Variants in GALNT13 observed in about 807,000 individuals in gnomAD.
GALNT13 encodes the protein polypeptide N-acetylgalactosaminyltransferase 13, also known as UDP-GalNAc:polypeptide N-acetylgalactosaminyltransferase 13.
GALNT13 carries 28 observed loss-of-function variants against 64.2 expected under a neutral mutation model. The observed-to-expected ratio is 0.44, with a 90% CI of 0.32 to 0.60. The LOEUF (loss-of-function observed/expected upper bound fraction) is 0.60, where lower values mean the gene tolerates loss of function less well. Among genes scored for constraint, GALNT13 ranks in the 20% least tolerant of loss-of-function variants. The pLI, the probability that GALNT13 is intolerant of heterozygous loss-of-function variation, is 0.05. For missense variants in GALNT13, 577 were observed against 669.8 expected (o/e 0.86, Z 1.53); for synonymous variants, 214 against 224.6 (o/e 0.95, Z 0.42).
the GALNT13 span, among the ~76,000 whole-genome samples, chr2:153,384,102 G>C: frequency 6.6e-6 from 1 of 152,104 alleles, no homozygotes; most frequent in Non-Finnish European, 1.5e-5. Flanking sequence ...ATTTTTGTGA[G>C]AAGGGAAAAG....
chr2:153,739,621 ATTTATTATTTTAT>A, the GALNT13 span, among the ~76,000 whole-genome samples: 1 of 85,776 alleles, frequency 1.2e-5, no homozygotes, highest in Non-Finnish European at 3.0e-5. Context: ...ATGAGATTTT[ATTTATTATTTTAT>A]TTTATTTTAT....
At chr2:154,218,446 ATGT>A (rs1365284252) in intron 4 of GALNT13, among the ~76,000 whole-genome samples, 2 of 152,030 alleles carry the variant, frequency 1.3e-5, no homozygotes, top group Non-Finnish European at 1.5e-5. Context: ...CCTCCTCCAG[ATGT>A]TGTACTATTC....
chr2:153,068,603 T>C, the GALNT13 span, among the ~76,000 whole-genome samples: 4 of 152,182 alleles, frequency 2.6e-5, no homozygotes, highest in African/African-American at 9.7e-5. Context: ...GCATTTGGTG[T>C]GGTTATACAT....
chr2:154,361,654 TAGTG>T (rs1697075604), intron 9 of GALNT13, among the ~76,000 whole-genome samples: 1 of 152,124 alleles, frequency 6.6e-6, no homozygotes, highest in Non-Finnish European at 1.5e-5. Context: ...TTCTGTCACA[TAGTG>T]AGTACTTAAC....
the GALNT13 span, among the ~76,000 whole-genome samples, chr2:153,455,832 T>C: frequency 2.6e-5 from 4 of 152,012 alleles, no homozygotes; most frequent in Admixed American, 6.6e-5. Context: ...TCTTGCCTAG[T>C]GTCCAAAAAT....
chr2:153,727,156 GCTGTA>G, the GALNT13 span, among the ~76,000 whole-genome samples: 1 of 151,960 alleles, frequency 6.6e-6, no homozygotes, highest in African/African-American at 2.4e-5. Flanking sequence ...TTTTTGGAAA[GCTGTA>G]GTTAAAAATA....
At chr2:154,134,347 T>C (rs993348825) in intron 3 of GALNT13, among the ~76,000 whole-genome samples, 1 of 152,100 alleles carries the variant, frequency 6.6e-6, no homozygotes, top group African/African-American at 2.4e-5. Context: ...TGATCAGAGG[T>C]TGAAGGAACT....
the GALNT13 span, among the ~76,000 whole-genome samples, chr2:153,129,004 G>A: frequency 6.6e-6 from 1 of 152,092 alleles, no homozygotes; most frequent in Non-Finnish European, 1.5e-5. Context: ...GATTTGGGTT[G>A]GAACAGAGCC....
the GALNT13 span, among the ~76,000 whole-genome samples, chr2:153,286,395 C>A: frequency 6.6e-6 from 1 of 152,118 alleles, no homozygotes; most frequent in East Asian, 1.9e-4. Context: ...CATGTTCACA[C>A]AGCTATTAAT....
At chr2:154,325,783 T>G (rs928953122) in intron 9 of GALNT13, among the ~76,000 whole-genome samples, 29 of 152,210 alleles carry the variant, frequency 1.9e-4, no homozygotes, top group African/African-American at 6.7e-4. Context: ...TAATCAAGCA[T>G]GTATTTCATT....
At chr2:153,639,059 GT>G in the GALNT13 span, among the ~76,000 whole-genome samples, 2 of 141,512 alleles carry the variant, frequency 1.4e-5, no homozygotes, top group East Asian at 3.9e-4. Context: ...GTTTTGTTTT[GT>G]TTTGTTTTGT....
the GALNT13 span, among the ~76,000 whole-genome samples, chr2:153,297,301 A>C: frequency 1.3e-5 from 2 of 152,224 alleles, no homozygotes; most frequent in African/African-American, 4.8e-5. Context: ...ACAGAATAAC[A>C]AACCTTTAAA....
intron 4 of GALNT13, among the ~76,000 whole-genome samples, chr2:154,211,203 C>T (rs1389575854): frequency 6.6e-6 from 1 of 152,064 alleles, no homozygotes; most frequent in Non-Finnish European, 1.5e-5. Context: ...TAGCCTATTA[C>T]ACATCTAGGC....
At chr2:154,196,409 TGTAA>T (rs898196594) in intron 4 of GALNT13, among the ~76,000 whole-genome samples, 38 of 152,212 alleles carry the variant, frequency 2.5e-4, no homozygotes, top group African/African-American at 8.7e-4. Flanking sequence ...ATGCTTGAAT[TGTAA>T]GTGTTCATAG....
chr2:153,650,142 G>C, the GALNT13 span, among the ~76,000 whole-genome samples: 2 of 152,134 alleles, frequency 1.3e-5, no homozygotes, highest in African/African-American at 4.8e-5. Flanking sequence ...ATGAATCTGG[G>C]TGCTTCTGTA....
the GALNT13 span, among the ~76,000 whole-genome samples, chr2:153,327,978 G>C: frequency 6.6e-6 from 1 of 152,068 alleles, no homozygotes. Flanking sequence ...GATGGTTTTT[G>C]TGTGAGGGTC....
At chr2:153,678,034 C>T in the GALNT13 span, among the ~76,000 whole-genome samples, 33 of 149,384 alleles carry the variant, frequency 2.2e-4, no homozygotes, top group East Asian at 6.1e-3. Context: ...CAAATGGTAA[C>T]TAATTAAGCT....
the GALNT13 span, chr2:153,762,205 TACTTC>T: frequency 7.5e-6 from 1 of 133,176 alleles, no homozygotes; most frequent in Non-Finnish European, 1.7e-5. Flanking sequence ...GACAACACTA[TACTTC>T]TCTCCTCTTT....
chr2:154,247,571 T>C (rs1331558356), intron 7 of GALNT13, among the ~76,000 whole-genome samples: 1 of 152,094 alleles, frequency 6.6e-6, no homozygotes, highest in East Asian at 1.9e-4. Flanking sequence ...AACTAAGAGG[T>C]AGCCAGCATT....
Sources: allele counts gnomAD v4.1 joint callset (sites outside exome capture counted in the v4.1 genomes callset), GRCh38; gene constraint gnomAD v4.1.1; transcripts MANE v1.5; gene names NCBI Gene and HGNC (gene_info 2026-07-23, HGNC 2026-07-21).